The following B3GALT1 variants were observed in gnomAD, a reference collection of about 807,000 sequenced individuals.
The protein encoded by B3GALT1 is beta-1,3-galactosyltransferase 1, also known as UDP-Gal:betaGlcNAc beta 1,3-galactosyltransferase, polypeptide 1.
A neutral mutation model predicts 23.2 loss-of-function variants in B3GALT1; 10 were observed. The ratio of observed to expected loss-of-function variants is 0.43; its 90% CI spans 0.27 to 0.73. B3GALT1 has a LOEUF of 0.73. B3GALT1 is among the 30% of genes least tolerant of loss of function. B3GALT1 has a pLI of 0.21. For synonymous variants in B3GALT1, 156 were observed against 141.5 expected (o/e 1.10, Z -0.73); for missense variants, 299 against 405.4 (o/e 0.74, Z 2.25).
rs567636524 is a variant in B3GALT1 at position 167,499,017 on chromosome 2, C to T, written c.-410+8740C>T. ...GTAAGACCTGGGGAATTTTGTTGGT[C>T]GTTTTTTGAGTTGGTGGTTACACTT... On this transcript the variant is annotated intron_variant, in intron 2 of 4. Coordinates refer to ENST00000392690, the MANE Select transcript of B3GALT1 (RefSeq NM_020981.4). Among the ~76,000 whole-genome samples the T allele has an allele frequency of 4.6e-5, 7 of 152,106 alleles. No homozygotes were observed. In the South Asian group the frequency reaches 1.5e-3, roughly 32 times the overall value.
intron 1 of B3GALT1, among the ~76,000 whole-genome samples, chr2:167,354,831 C>G (rs974541462): frequency 6.6e-6 from 1 of 152,192 alleles, no homozygotes; most frequent in Non-Finnish European, 1.5e-5. Flanking sequence ...GCCTGCACCA[C>G]ATTTATTGTC....
At chr2:167,423,025 A>G (rs1241706581) in intron 1 of B3GALT1, among the ~76,000 whole-genome samples, 1 of 152,136 alleles carries the variant, frequency 6.6e-6, no homozygotes, top group African/African-American at 2.4e-5. Flanking sequence ...GGAATATGAA[A>G]ATTCCTCAAA....
intron 2 of B3GALT1, among the ~76,000 whole-genome samples, chr2:167,570,711 T>C (rs1376343191): frequency 6.6e-6 from 1 of 151,976 alleles, no homozygotes; most frequent in Non-Finnish European, 1.5e-5. Flanking sequence ...TTTAGTTCTT[T>C]AGAAAGATTT....
chr2:167,469,649 T>A (rs1699397680), intron 1 of B3GALT1, among the ~76,000 whole-genome samples: 1 of 152,158 alleles, frequency 6.6e-6, no homozygotes, highest in African/African-American at 2.4e-5. Context: ...TACTTATGAT[T>A]GTAAAGTAAA....
At chr2:167,344,413 A>G (rs1159725669) in intron 1 of B3GALT1, among the ~76,000 whole-genome samples, 3 of 152,180 alleles carry the variant, frequency 2.0e-5, no homozygotes, top group Non-Finnish European at 4.4e-5. Flanking sequence ...CTCATAATCA[A>G]CATTTTTCTT....
chr2:167,445,352 G>A (rs6720504), intron 1 of B3GALT1, among the ~76,000 whole-genome samples: 2,648 of 152,318 alleles, frequency 0.017, 81 homozygotes, highest in African/African-American at 0.061. Flanking sequence ...TTGATTTGGG[G>A]TGAAGAGTTC....
intron 3 of B3GALT1, among the ~76,000 whole-genome samples, chr2:167,768,065 C>T (rs1688008121): frequency 6.6e-6 from 1 of 152,084 alleles, no homozygotes; most frequent in African/African-American, 2.4e-5. Context: ...CTATTCAGGC[C>T]CTCAAGTATG....
At position 167,767,714 on chromosome 2, in the gene B3GALT1, T is replaced by C. The variant is rs151227974; in HGVS notation, c.-351-50958T>C. 4.3e-3 allele frequency among the ~76,000 whole-genome samples: 648 copies of C among 152,322 alleles called. 4 individuals are homozygous for C. Among genetic ancestry groups the C allele is most frequent in the Non-Finnish European group, 6.3e-3 (428 of 68,026 alleles). ...AATTTAGCCTTAATTAAGTAAATTT[T>C]ATTATAAAGTATCTTCTCAAAGGGA... On this transcript the variant is annotated intron_variant, in intron 3 of 4. Coordinates refer to ENST00000392690, the MANE Select transcript of B3GALT1 (RefSeq NM_020981.4).
chr2:167,421,498 G>A lies in B3GALT1; in HGVS notation c.-510-68679G>A, dbSNP rs974369729. On this transcript the variant is annotated intron_variant, in intron 1 of 4. Transcript: ENST00000392690. ...AATGTAGTTACTCTTTATAGGTAGA[G>A]TTGTCCTCAAATCCTTCGTGAAGGA... 2.6e-5 allele frequency among the ~76,000 whole-genome samples: 4 copies of A among 152,174 alleles called. No individual in the cohort carries two copies. The East Asian group carries it at 7.7e-4, about 29-fold the overall frequency.
At chr2:167,412,977 T>C (rs189073000) in intron 1 of B3GALT1, among the ~76,000 whole-genome samples, 12 of 152,254 alleles carry the variant, frequency 7.9e-5, no homozygotes, top group Admixed American at 3.9e-4. Flanking sequence ...AGAATACATA[T>C]TGTAATTCCA....
intron 2 of B3GALT1, chr2:167,631,371 A>G (rs1027595239): frequency 6.6e-6 from 1 of 151,910 alleles, no homozygotes; most frequent in Non-Finnish European, 1.5e-5. Context: ...AGACATATTC[A>G]GATACCTGCT....
Position 167,832,936 on chromosome 2 carries a change from A to G in B3GALT1, c.-230+14143A>G, listed in dbSNP as rs144317616. On this transcript the variant is annotated intron_variant, in intron 4 of 4. Coordinates refer to ENST00000392690, the MANE Select transcript of B3GALT1 (RefSeq NM_020981.4). ...GCTGCACATGGCACCATTAGAGGTG[A>G]CAGCAGGGAACGAGCCAGGGCCATT... Among the ~76,000 whole-genome samples the G allele has an allele frequency of 3.9e-5, 6 of 152,360 alleles. 1 individual carries two copies. The East Asian group carries it at 1.2e-3, about 29-fold the overall frequency.
intron 2 of B3GALT1, among the ~76,000 whole-genome samples, chr2:167,526,376 A>G (rs1314744816): frequency 1.3e-5 from 2 of 152,148 alleles, no homozygotes; most frequent in Admixed American, 6.6e-5. Flanking sequence ...TCTCCATCCA[A>G]CATCCGTTTA....
At chr2:167,617,071 G>A (rs1192897548) in intron 2 of B3GALT1, among the ~76,000 whole-genome samples, 1 of 152,138 alleles carries the variant, frequency 6.6e-6, no homozygotes, top group African/African-American at 2.4e-5. Context: ...GCTTGATCTA[G>A]TGACTATATG....
At chr2:167,603,014 T>C (rs1574162393) in intron 2 of B3GALT1, among the ~76,000 whole-genome samples, 1 of 152,156 alleles carries the variant, frequency 6.6e-6, no homozygotes, top group Non-Finnish European at 1.5e-5. Context: ...TCAAATAAAA[T>C]GGCACCATTG....
At chr2:167,793,493 C>T (rs1255115462) in intron 3 of B3GALT1, among the ~76,000 whole-genome samples, 1 of 152,144 alleles carries the variant, frequency 6.6e-6, no homozygotes, top group Non-Finnish European at 1.5e-5. Context: ...AGAAGAATAA[C>T]ACCAGGTAGG....
rs749338474 is a variant in B3GALT1, at chr2:167,818,754, T to C, written c.-269T>C. On this transcript the variant is annotated 5_prime_UTR_variant, in exon 4 of 5. An upstream open reading frame in the 5' UTR loses its in-frame stop. Coordinates refer to ENST00000392690, the MANE Select transcript of B3GALT1 (RefSeq NM_020981.4). ...GACCATGCTTGATTTCCTGAACTTG[T>C]AGTAAGAAGAAGGAAAACACAGCAC... is the stretch of plus-strand genomic sequence containing the variant. 1.5e-4 allele frequency among the ~76,000 whole-genome samples: 23 copies of C among 152,174 alleles called. No individual in the cohort carries two copies. The highest frequency in any genetic ancestry group is 2.5e-4 in the Non-Finnish European group (17 of 68,010).
In B3GALT1 at chr2:167,869,127, T is replaced by A. The variant is rs534924643; in HGVS notation, c.88T>A (p.Ser30Thr). The A allele has an allele frequency of 1.9e-6, 3 of 1,614,138 alleles. No homozygotes were observed. Among genetic ancestry groups the A allele is most frequent in the African/African-American group, 1.3e-5 (1 of 75,040 alleles). ...LWYLSITRPT[S>T]SYTGSKPFSH... ...GTACTTGAGTATAACTCGCCCTACT[T>A]CTTCTTACACTGGCTCCAAACCATT... is the stretch of plus-strand genomic sequence containing the variant. The change falls in exon 5 of 5, where the codon TCT becomes ACT. Residue 30 changes from serine to threonine, a missense_variant. By Grantham distance (58) the Ser-to-Thr change is moderately conservative (BLOSUM62 1). Around this residue, in one of 3 missense-constraint regions of B3GALT1, gnomAD observed 162 missense variants for 184.1 expected, o/e 0.88. Coordinates refer to ENST00000392690, the MANE Select transcript of B3GALT1 (RefSeq NM_020981.4). The surrounding 1 kb of genome is among the most constrained non-coding windows in gnomAD (Gnocchi z 6.4).
chr2:167,424,286 A>G (rs1462218805), intron 1 of B3GALT1, among the ~76,000 whole-genome samples: 1 of 152,160 alleles, frequency 6.6e-6, no homozygotes, highest in African/African-American at 2.4e-5. Context: ...TTTTGGGATA[A>G]CTCTCATGCT....
Sources: allele counts gnomAD v4.1 joint callset (sites outside exome capture counted in the v4.1 genomes callset), GRCh38; gene constraint gnomAD v4.1.1; regional missense constraint gnomAD v4.1.1; non-coding constraint Gnocchi (gnomAD v3.1); transcripts MANE v1.5; gene names NCBI Gene and HGNC (gene_info 2026-07-23, HGNC 2026-07-21).